The following HECW1 variants were observed in gnomAD, a reference collection of about 807,000 sequenced individuals.
HECW1 encodes E3 ubiquitin-protein ligase HECW1.
In HECW1, 61 loss-of-function variants were observed where a neutral mutation model predicts 182.3. The ratio of observed to expected loss-of-function variants is 0.33; its 90% CI spans 0.27 to 0.41. The LOEUF (loss-of-function observed/expected upper bound fraction) is 0.41. Ranked by LOEUF, HECW1 falls within the 10% of genes least tolerant of loss-of-function variation. The pLI, the probability that HECW1 is intolerant of heterozygous loss-of-function variation, is 1.00. For synonymous variants in HECW1, 859 were observed against 832.6 expected (o/e 1.03, Z -0.55); for missense variants, 1,739 against 2,108.9 (o/e 0.82, Z 3.44).
intron 24 of HECW1, among the ~76,000 whole-genome samples, chr7:43,539,903 C>T (rs376341643): frequency 7.2e-4 from 109 of 152,210 alleles, no homozygotes; most frequent in African/African-American, 2.4e-3. Flanking sequence ...ATGGGGTGGT[C>T]GGGAAAGGGC....
rs2082249092 is a variant in HECW1 at position 43,562,953 on chromosome 7, T to G, written c.*1027T>G. 1.9e-5 allele frequency: 4 copies of G among 212,982 alleles called. No homozygotes were observed. The East Asian group carries it at 2.8e-4, about 15-fold the overall frequency. 13.2% of individuals were successfully genotyped at this position (212,982 alleles called of 1,614,324 possible). A position where few individuals can be genotyped will look rare whatever the true frequency, so the allele number is the denominator to read the frequency against. ...TGACTTTTGTTAAAGCCATGACTTT[T>G]GTTTGCTTGGCAGACAAACCCTTTT... On this transcript the variant is annotated 3_prime_UTR_variant, in exon 30 of 30. Transcript: ENST00000395891.
At chr7:43,201,544 C>A (rs1373320876) in intron 2 of HECW1, among the ~76,000 whole-genome samples, 1 of 152,180 alleles carries the variant, frequency 6.6e-6, no homozygotes, top group Admixed American at 6.5e-5. Flanking sequence ...AACGGAACAG[C>A]CAGTGTTCAT....
At chr7:43,291,499 G>A (rs890553339) in intron 3 of HECW1, among the ~76,000 whole-genome samples, 1 of 152,208 alleles carries the variant, frequency 6.6e-6, no homozygotes, top group Admixed American at 6.5e-5. Context: ...AAAGTACAAG[G>A]ACATAGAATG....
intron 17 of HECW1, among the ~76,000 whole-genome samples, chr7:43,483,905 CAA>C (rs2078531606): frequency 6.6e-6 from 1 of 152,074 alleles, no homozygotes; most frequent in Non-Finnish European, 1.5e-5. Flanking sequence ...AGGGCTGTGG[CAA>C]AGAGCTATTC....
At chr7:43,422,413 A>G in intron 8 of HECW1, among the ~76,000 whole-genome samples, 1 of 143,666 alleles carries the variant, frequency 7.0e-6, no homozygotes, top group East Asian at 2.1e-4. Flanking sequence ...CCCAGGCTGG[A>G]GTGCAGTGGT....
rs6965080 is a variant in HECW1 at position 43,516,674 on chromosome 7, G to A, written c.4019+7553G>A. Among the ~76,000 whole-genome samples the A allele has an allele frequency of 4.4e-3, 674 of 152,256 alleles. 4 individuals carry two copies. The highest frequency in any genetic ancestry group is 0.015 in the African/African-American group (633 of 41,548). The stretch of plus-strand genomic sequence containing the variant: ...CTCAGACACATTTTCTTTGTCTTAA[G>A]TACAGTCATGTGTCAGTTAACGACA... On this transcript the variant is annotated intron_variant, in intron 24 of 29. Coordinates refer to ENST00000395891, the MANE Select transcript of HECW1 (RefSeq NM_015052.5).
chr7:43,175,187 TACAC>T (rs148286854), intron 2 of HECW1, among the ~76,000 whole-genome samples: 7 of 151,778 alleles, frequency 4.6e-5, no homozygotes, highest in South Asian at 4.2e-4. Context: ...CACATACACA[TACAC>T]ACACACACGC....
In HECW1 at chr7:43,359,172, G is replaced by C. The variant is rs553374920; in HGVS notation, c.461-1714G>C. ...GACTACTGTAATATTCGTATCTACA[G>C]CATTGAGGAAACCTTTACATATCAG... On this transcript the variant is annotated intron_variant, in intron 5 of 29. Transcript: ENST00000395891. Among the ~76,000 whole-genome samples, 28 of 152,282 alleles carry C rather than the reference G, an allele frequency of 1.8e-4. No homozygotes were observed. The East Asian group carries it at 5.0e-3, about 27-fold the overall frequency.
chr7:43,528,190 C>G (rs956688162), intron 24 of HECW1, among the ~76,000 whole-genome samples: 1 of 152,068 alleles, frequency 6.6e-6, no homozygotes, highest in African/African-American at 2.4e-5. Context: ...TCCATGATAT[C>G]GCAAAACAAA....
At chr7:43,401,615 G>A (rs2075418290) in intron 7 of HECW1, among the ~76,000 whole-genome samples, 1 of 135,684 alleles carries the variant, frequency 7.4e-6, no homozygotes. Flanking sequence ...GTAGACATCT[G>A]GGCTGAAAAT....
rs566199631 is a variant in HECW1 at position 43,513,458 on chromosome 7, A to G, written c.4019+4337A>G. 7.0e-4 allele frequency among the ~76,000 whole-genome samples: 106 copies of G among 152,282 alleles called. No individual in the cohort carries two copies. The South Asian group carries it at 0.02, about 29-fold the overall frequency. On this transcript the variant is annotated intron_variant, in intron 24 of 29. Transcript: ENST00000395891. ...TCCTTCCTCTGAAAGCTCCCCTTTGAGAGTGGGTACTTGACATTCTGGGCT... is the reference window on the plus strand; with the variant it reads ...TCCTTCCTCTGAAAGCTCCCCTTTGGGAGTGGGTACTTGACATTCTGGGCT...
intron 2 of HECW1, among the ~76,000 whole-genome samples, chr7:43,230,837 T>A (rs1797818911): frequency 6.6e-6 from 1 of 152,230 alleles, no homozygotes; most frequent in Admixed American, 6.5e-5. Context: ...GGGAATTCAT[T>A]GTCATATTCA....
At chr7:43,550,152 G>A (rs1046642787) in intron 26 of HECW1, among the ~76,000 whole-genome samples, 2 of 152,092 alleles carry the variant, frequency 1.3e-5, no homozygotes, top group African/African-American at 4.8e-5. Flanking sequence ...ACCAGGCGGA[G>A]TGGGGCTTGT....
intron 24 of HECW1, chr7:43,522,932 G>T: frequency 2.9e-6 from 1 of 349,496 alleles, no homozygotes; most frequent in South Asian, 2.0e-5. Flanking sequence ...CCGTGGTGGG[G>T]ATGTTATTGC....
intron 24 of HECW1, among the ~76,000 whole-genome samples, chr7:43,520,299 C>G (rs2080399177): frequency 6.6e-6 from 1 of 152,022 alleles, no homozygotes. Flanking sequence ...CAGCACAGAC[C>G]TCTTTACTAA....
intron 2 of HECW1, among the ~76,000 whole-genome samples, chr7:43,218,134 G>A (rs560393179): frequency 2.8e-4 from 43 of 152,324 alleles, no homozygotes; most frequent in African/African-American, 9.9e-4. Context: ...GGATTTTGCA[G>A]GTGAAAACTG....
chr7:43,381,488 ATT>A (rs34238162), intron 6 of HECW1, among the ~76,000 whole-genome samples: 7,516 of 134,938 alleles, frequency 0.056, 619 homozygotes, highest in African/African-American at 0.19. Flanking sequence ...TGCATGGCTA[ATT>A]TTTTTTTTTT....
At chr7:43,113,008 G>T (rs1409673158) in intron 1 of HECW1, 71 bp downstream of exon 1, 1 of 180,634 alleles carries the variant, frequency 5.5e-6, no homozygotes, top group Non-Finnish European at 1.1e-5. Context: ...CGGCTTCCCC[G>T]CCGCACGCGA....
At chr7:43,513,180 G>A (rs144889656) in intron 24 of HECW1, among the ~76,000 whole-genome samples, 77 of 152,296 alleles carry the variant, frequency 5.1e-4, no homozygotes, top group African/African-American at 1.6e-3. Context: ...CTCCTGCCAT[G>A]TGCAATTAAT....
Sources: gnomAD v4.1 joint callset for allele counts (sites outside exome capture counted in the v4.1 genomes callset) on GRCh38, gnomAD v4.1.1 for gene constraint, MANE v1.5 for transcripts, NCBI Gene and HGNC (gene_info 2026-07-23, HGNC 2026-07-21) for gene names.